The following NCKAP5 variants were observed in gnomAD, a reference collection of about 807,000 sequenced individuals.
NCKAP5 encodes NCK associated protein 5, also known as nck-associated protein 5.
A neutral mutation model predicts 167.0 loss-of-function variants in NCKAP5; 92 were observed. The ratio of observed to expected loss-of-function variants is 0.55; its 90% CI spans 0.47 to 0.66. NCKAP5 has a LOEUF of 0.66. NCKAP5 is among the 30% of genes least tolerant of loss of function. The pLI, the probability that NCKAP5 is intolerant of heterozygous loss-of-function variation, is 0.00. For missense variants in NCKAP5, 2,378 were observed against 2,315.0 expected, an observed-to-expected ratio of 1.03 and a Z score of -0.56; for synonymous variants, 891 against 877.4, an observed-to-expected ratio of 1.02 and a Z score of -0.27.
chr2:132,694,736 C>T (rs1687143209), intron 19 of NCKAP5, among the ~76,000 whole-genome samples: 1 of 152,186 alleles, frequency 6.6e-6, no homozygotes, highest in Admixed American at 6.5e-5. Context: ...TGACCAACGC[C>T]TCACTTTGAA....
rs183581466 is a variant in NCKAP5, at chr2:133,049,417, C to T, written c.342-55178G>A. Among the ~76,000 whole-genome samples the T allele has an allele frequency of 5.7e-3, 860 of 151,858 alleles. 9 individuals carry two copies. The highest frequency in any genetic ancestry group is 0.02 in the African/African-American group (823 of 41,418). ...AAAATTAGCCAGGCGTGGTGGCAGG[C>T]GCCTGTAGTCACAGCTACTTAGGAG... is the stretch of plus-strand genomic sequence containing the variant. On this transcript the variant is annotated intron_variant, in intron 6 of 19. Coordinates refer to ENST00000409261, the MANE Select transcript of NCKAP5 (RefSeq NM_207363.3).
chr2:132,739,038 C>A (rs916223824), intron 16 of NCKAP5, among the ~76,000 whole-genome samples: 4 of 152,106 alleles, frequency 2.6e-5, no homozygotes, highest in Admixed American at 6.5e-5. Context: ...TTGTTTTATA[C>A]CATATTCGTT....
chr2:133,240,428 G>A (rs1046296225), intron 4 of NCKAP5, among the ~76,000 whole-genome samples: 9 of 152,068 alleles, frequency 5.9e-5, no homozygotes, highest in African/African-American at 2.2e-4. Context: ...TACAGTGTCC[G>A]TACACTTCAC....
chr2:133,192,181 G>A (rs1417676920), intron 5 of NCKAP5, among the ~76,000 whole-genome samples: 1 of 151,994 alleles, frequency 6.6e-6, no homozygotes. Flanking sequence ...ATATGCAAAA[G>A]TAATTCCATG....
chr2:132,780,342 G>A (rs1385884231), intron 15 of NCKAP5, among the ~76,000 whole-genome samples: 1 of 152,190 alleles, frequency 6.6e-6, no homozygotes, highest in African/African-American at 2.4e-5. Context: ...AATAGAGACG[G>A]GGTTTCACCG....
chr2:132,790,565 G>A (rs1334245920), intron 12 of NCKAP5, among the ~76,000 whole-genome samples: 6 of 152,160 alleles, frequency 3.9e-5, no homozygotes, highest in Admixed American at 2.0e-4. Flanking sequence ...TCTACTGAAT[G>A]TGTATTTTGG....
At chr2:133,585,481 T>C in the NCKAP5 span, among the ~76,000 whole-genome samples, 1 of 152,246 alleles carries the variant, frequency 6.6e-6, no homozygotes, top group South Asian at 2.1e-4. Context: ...GTTTGAAACA[T>C]CTTGGTTGAG....
At chr2:132,945,534 C>T (rs1697652718) in intron 8 of NCKAP5, among the ~76,000 whole-genome samples, 1 of 152,130 alleles carries the variant, frequency 6.6e-6, no homozygotes, top group East Asian at 1.9e-4. Flanking sequence ...CATATCCTAT[C>T]AGCTGGATGC....
At chr2:133,446,889 T>C (rs115691183) in intron 3 of NCKAP5, among the ~76,000 whole-genome samples, 2,078 of 151,996 alleles carry the variant, frequency 0.014, 42 homozygotes, top group African/African-American at 0.047. Flanking sequence ...GAAGTGCCCA[T>C]ATTTAGTGGG....
At chr2:133,102,228 C>T (rs2081537642) in intron 6 of NCKAP5, among the ~76,000 whole-genome samples, 3 of 152,112 alleles carry the variant, frequency 2.0e-5, no homozygotes, top group Admixed American at 2.0e-4. Context: ...CTCTCTGCAA[C>T]CTCTGCCTCC....
At chr2:133,649,654 T>C in the NCKAP5 span, among the ~76,000 whole-genome samples, 1 of 152,080 alleles carries the variant, frequency 6.6e-6, no homozygotes. Context: ...ATTATTTCAA[T>C]AGATATAGAA....
intron 6 of NCKAP5, among the ~76,000 whole-genome samples, chr2:133,102,038 A>C (rs1414631160): frequency 6.6e-6 from 1 of 152,258 alleles, no homozygotes; most frequent in African/African-American, 2.4e-5. Context: ...TGATTTTCAA[A>C]ACTGTGTAAA....
At chr2:133,392,618 A>G (rs1248422532) in intron 3 of NCKAP5, among the ~76,000 whole-genome samples, 1 of 152,206 alleles carries the variant, frequency 6.6e-6, no homozygotes, top group Non-Finnish European at 1.5e-5. Context: ...AATGGCTACA[A>G]CATCTCAAGT....
intron 11 of NCKAP5, among the ~76,000 whole-genome samples, chr2:132,812,250 T>G (rs1205160042): frequency 6.6e-6 from 1 of 152,220 alleles, no homozygotes; most frequent in African/African-American, 2.4e-5. Context: ...CATGCTGCCT[T>G]GTCTGGAGCT....
At chr2:132,792,007 C>T (rs1684109679) in intron 12 of NCKAP5, among the ~76,000 whole-genome samples, 1 of 151,914 alleles carries the variant, frequency 6.6e-6, no homozygotes, top group Non-Finnish European at 1.5e-5. Flanking sequence ...GGAATTGCTG[C>T]TTCTCCCTTG....
chr2:133,308,189 C>T (rs1028995435), intron 3 of NCKAP5, among the ~76,000 whole-genome samples: 1 of 148,864 alleles, frequency 6.7e-6, no homozygotes. Flanking sequence ...CCCGGGTTCA[C>T]GCCATTCTCC....
intron 6 of NCKAP5, among the ~76,000 whole-genome samples, chr2:132,998,286 C>T (rs982918664): frequency 6.6e-6 from 1 of 152,196 alleles, no homozygotes; most frequent in African/African-American, 2.4e-5. Flanking sequence ...AATATCTATT[C>T]ACCTTTCCCC....
intron 5 of NCKAP5, among the ~76,000 whole-genome samples, chr2:133,152,236 C>A (rs1176511902): frequency 6.6e-6 from 1 of 152,132 alleles, no homozygotes; most frequent in Non-Finnish European, 1.5e-5. Flanking sequence ...TTACTGCAGA[C>A]AATCTCGACA....
At position 132,973,552 on chromosome 2, in the gene NCKAP5, T is replaced by C. The variant is rs140021894; in HGVS notation, c.430-9683A>G. Reference sequence around the variant, plus strand: ...CTTTAAATTTATACAACTTTGATCATCTGTAAAAACTCAACCTTGAGAAAT... The same window carrying C: ...CTTTAAATTTATACAACTTTGATCACCTGTAAAAACTCAACCTTGAGAAAT... On this transcript the variant is annotated intron_variant, in intron 7 of 19. Coordinates refer to ENST00000409261, the MANE Select transcript of NCKAP5 (RefSeq NM_207363.3). Among the ~76,000 whole-genome samples, 370 of 152,272 alleles carry C rather than the reference T, an allele frequency of 2.4e-3. 3 individuals are homozygous for C. The highest frequency in any genetic ancestry group is 8.6e-3 in the African/African-American group (359 of 41,562).
Sources: gnomAD v4.1 joint callset for allele counts (sites outside exome capture counted in the v4.1 genomes callset) on GRCh38, gnomAD v4.1.1 for gene constraint, MANE v1.5 for transcripts, NCBI Gene and HGNC (gene_info 2026-07-23, HGNC 2026-07-21) for gene names.